The following COLGALT2 variants were observed in gnomAD, a reference collection of about 807,000 sequenced individuals.
COLGALT2 encodes the protein procollagen galactosyltransferase 2.
A neutral mutation model predicts 73.4 loss-of-function variants in COLGALT2; 49 were observed. The observed-to-expected ratio is 0.67, with a 90% CI of 0.53 to 0.85. COLGALT2 has a LOEUF of 0.85. Ranked by LOEUF, COLGALT2 falls within the 40% of genes least tolerant of loss-of-function variation. The pLI, the probability that COLGALT2 is intolerant of heterozygous loss-of-function variation, is 0.00. For synonymous variants in COLGALT2, 295 were observed against 307.6 expected (o/e 0.96, Z 0.43); for missense variants, 722 against 790.2 (o/e 0.91, Z 1.03).
downstream of COLGALT2, among the ~76,000 whole-genome samples, chr1:183,933,631 AG>A (rs1265567096): frequency 5.3e-5 from 8 of 152,274 alleles, no homozygotes; most frequent in African/African-American, 1.9e-4. Context: ...GAACAGAGAG[AG>A]AGAGAGAGCT....
At chr1:183,978,623 G>GA (rs3833521) in intron 1 of COLGALT2, 103 bp from the exon 2 acceptor site, 361,945 of 549,444 alleles carry the variant, frequency 0.66, 125,048 homozygotes, top group Non-Finnish European at 0.74. Context: ...GCTACTCCTG[G>GA]AAAAAAAATT....
chr1:183,986,373 A>C (rs1671488991), intron 1 of COLGALT2, among the ~76,000 whole-genome samples: 1 of 152,192 alleles, frequency 6.6e-6, no homozygotes, highest in African/African-American at 2.4e-5. Flanking sequence ...CAACAAAATT[A>C]ATGTTTATAC....
At chr1:183,935,220 T>G (rs956314651), downstream of COLGALT2, among the ~76,000 whole-genome samples, 3 of 152,200 alleles carry the variant, frequency 2.0e-5, no homozygotes, top group Admixed American at 1.3e-4. Context: ...CTGCCCATTT[T>G]GTTCATCTCT....
At chr1:183,934,105 A>G (rs1298326326), downstream of COLGALT2, among the ~76,000 whole-genome samples, 1 of 152,114 alleles carries the variant, frequency 6.6e-6, no homozygotes, top group African/African-American at 2.4e-5. Context: ...CCCAGCAACA[A>G]AGTTTAATGG....
chr1:184,015,120 A>AG (rs1391417016), intron 1 of COLGALT2, among the ~76,000 whole-genome samples: 2 of 151,734 alleles, frequency 1.3e-5, no homozygotes, highest in African/African-American at 2.4e-5. Context: ...TGCCAGAGGA[A>AG]GGGAATCTCA....
chr1:184,034,327 G>C (rs748456311), intron 1 of COLGALT2, among the ~76,000 whole-genome samples: 4 of 143,118 alleles, frequency 2.8e-5, no homozygotes, highest in African/African-American at 5.2e-5. Flanking sequence ...CCTTTTTCTA[G>C]AGCCATCCTT....
Position 183,940,571 on chromosome 1 carries a change from G to A in COLGALT2, c.1604+10C>T. The A allele has an allele frequency of 1.9e-6, 3 of 1,613,628 alleles. No homozygotes were observed. Among genetic ancestry groups the A allele is most frequent in the Non-Finnish European group, 2.5e-6 (3 of 1,179,582 alleles). Reference sequence around the variant, plus strand: ...GCCCAAGGGAAGGCAGGCAGTTCAGGGAGACTCACACGGGATGCTTGTTGT... The same window carrying A: ...GCCCAAGGGAAGGCAGGCAGTTCAGAGAGACTCACACGGGATGCTTGTTGT... On this transcript the variant is annotated intron_variant, in intron 11 of 11. Transcript: ENST00000361927.
chr1:183,998,834 T>A (rs910322492), intron 1 of COLGALT2, among the ~76,000 whole-genome samples: 2 of 152,076 alleles, frequency 1.3e-5, no homozygotes, highest in Admixed American at 6.5e-5. Context: ...ATAAATAATA[T>A]TTTTAAATAA....
chr1:183,969,080 T>C (rs1200832841), intron 5 of COLGALT2, among the ~76,000 whole-genome samples, 189 bp downstream of exon 5: 1 of 152,064 alleles, frequency 6.6e-6, no homozygotes, highest in African/African-American at 2.4e-5. Flanking sequence ...AGGCCAGCCC[T>C]GGCTCTTGGT....
intron 11 of COLGALT2, 134 bp downstream of exon 11, chr1:183,940,447 T>C: frequency 1.2e-6 from 1 of 838,216 alleles, no homozygotes; most frequent in Admixed American, 2.1e-5. Context: ...TTAGGCTCTC[T>C]TAATCATAAT....
At chr1:183,974,621 A>G (rs1671140453) in intron 3 of COLGALT2, among the ~76,000 whole-genome samples, 1 of 152,206 alleles carries the variant, frequency 6.6e-6, no homozygotes, top group African/African-American at 2.4e-5. Context: ...GGATGGACAT[A>G]AATTCTCCAA....
At chr1:183,961,705 T>C (rs959636475) in intron 6 of COLGALT2, among the ~76,000 whole-genome samples, 2 of 152,204 alleles carry the variant, frequency 1.3e-5, no homozygotes, top group African/African-American at 4.8e-5. Flanking sequence ...CAATACAGTT[T>C]TCATTCATTC....
intron 10 of COLGALT2, 33 bp downstream of exon 10, chr1:183,944,163 A>G (rs1383272541): frequency 1.3e-6 from 2 of 1,594,066 alleles, no homozygotes; most frequent in Admixed American, 1.8e-5. Flanking sequence ...AGTGCCTCTC[A>G]GAGCCCTCTC....
At chr1:184,036,612 C>A (rs1213692031) in intron 1 of COLGALT2, among the ~76,000 whole-genome samples, 1 of 152,198 alleles carries the variant, frequency 6.6e-6, no homozygotes, top group Non-Finnish European at 1.5e-5. Flanking sequence ...CAGCGCACTG[C>A]GGCGCCCCAG....
intron 1 of COLGALT2, among the ~76,000 whole-genome samples, chr1:184,007,431 G>A (rs903714728): frequency 6.6e-6 from 1 of 151,972 alleles, no homozygotes; most frequent in Non-Finnish European, 1.5e-5. Flanking sequence ...TTTAACTTGC[G>A]GCTTTCCTTT....
At chr1:183,949,448 T>A (rs780600753) in intron 8 of COLGALT2, among the ~76,000 whole-genome samples, 2 of 152,226 alleles carry the variant, frequency 1.3e-5, no homozygotes. Context: ...ACTGGCTTTT[T>A]ACAATGGTGC....
intron 1 of COLGALT2, among the ~76,000 whole-genome samples, chr1:184,024,512 C>G (rs1242495095): frequency 2.6e-5 from 4 of 151,778 alleles, no homozygotes; most frequent in African/African-American, 9.7e-5. Context: ...ATCACCACAC[C>G]CGGCTAATTT....
intron 6 of COLGALT2, 58 bp from the exon 7 acceptor site, chr1:183,954,896 AT>A (rs1670510854): frequency 3.0e-6 from 4 of 1,318,054 alleles, no homozygotes; most frequent in Non-Finnish European, 4.4e-6. Context: ...AGAAATCAGA[AT>A]TCCATCCGCA....
At chr1:183,995,829 C>T (rs1020247911) in intron 1 of COLGALT2, among the ~76,000 whole-genome samples, 1 of 151,818 alleles carries the variant, frequency 6.6e-6, no homozygotes, top group Non-Finnish European at 1.5e-5. Flanking sequence ...TCATCTTATC[C>T]TATTCTCCTT....
Sources: allele counts gnomAD v4.1 joint callset (sites outside exome capture counted in the v4.1 genomes callset), GRCh38; gene constraint gnomAD v4.1.1; transcripts MANE v1.5; gene names NCBI Gene and HGNC (gene_info 2026-07-23, HGNC 2026-07-21).